The following CASP6 variants were observed in gnomAD, a reference collection of about 807,000 sequenced individuals.
CASP6 encodes caspase-6.
Under a neutral mutation model 31.8 loss-of-function variants are expected in CASP6, and 20 were observed. The observed-to-expected ratio is 0.63, with a 90% CI of 0.44 to 0.91. CASP6 has a LOEUF of 0.91. CASP6 is among the 40% of genes least tolerant of loss of function. The probability of loss-of-function intolerance (pLI) is 0.00; values close to 1 mark genes in which losing one functional copy is unlikely to be tolerated. For synonymous variants in CASP6, 130 were observed against 127.8 expected, an observed-to-expected ratio of 1.02 and a Z score of -0.12; for missense variants, 328 against 361.1, an observed-to-expected ratio of 0.91 and a Z score of 0.74.
At chr4:109,709,130 T>A in the CASP6 span, among the ~76,000 whole-genome samples, 1 of 152,270 alleles carries the variant, frequency 6.6e-6, no homozygotes, top group Non-Finnish European at 1.5e-5. Context: ...AGTACATTAG[T>A]TATTTTCAGC....
upstream of CASP6, chr4:109,703,689 TG>T (rs1730510532): frequency 4.1e-6 from 2 of 490,580 alleles, no homozygotes; most frequent in South Asian, 6.3e-5. Context: ...CCTGGGGACA[TG>T]CCAGTTGCCA....
chr4:109,680,671 G>A, the CASP6 span, among the ~76,000 whole-genome samples: 2 of 152,140 alleles, frequency 1.3e-5, no homozygotes, highest in South Asian at 4.1e-4. Flanking sequence ...ATGGAAGGGG[G>A]TAAAGACCAC....
chr4:109,697,636 G>C lies in CASP6; in HGVS notation c.216C>G (p.Asp72Glu), dbSNP rs142810685. Residue 72 changes from aspartate to glutamate, a missense_variant, in exon 3 of 7, where the codon GAC becomes GAG. Transcript: ENST00000265164. ...PERRGTCADR[D>E]NLTRRFSDLG... Reference sequence around the variant, plus strand: ...AAAACTACTACCTGCGGGTAAGATTGTCTCTATCTGCGCAGGTGCCCCGCC... The same window carrying C: ...AAAACTACTACCTGCGGGTAAGATTCTCTCTATCTGCGCAGGTGCCCCGCC... 3.1e-6 allele frequency: 5 copies of C among 1,608,996 alleles called. No homozygotes were observed. In the East Asian group the frequency reaches 1.1e-4, roughly 36 times the overall value.
upstream of CASP6, among the ~76,000 whole-genome samples, chr4:109,704,130 G>A (rs1490623861): frequency 6.6e-6 from 1 of 152,044 alleles, no homozygotes; most frequent in African/African-American, 2.4e-5. Context: ...CCTATTCCTG[G>A]AAACACAATT....
downstream of CASP6, among the ~76,000 whole-genome samples, chr4:109,687,046 GTAAACT>G (rs1268572528): frequency 6.6e-6 from 1 of 151,786 alleles, no homozygotes; most frequent in Non-Finnish European, 1.5e-5. Context: ...GGATGAATTA[GTAAACT>G]TAAACTCATC....
chr4:109,680,929 G>A, the CASP6 span, among the ~76,000 whole-genome samples: 7 of 152,176 alleles, frequency 4.6e-5, no homozygotes, highest in Non-Finnish European at 1.0e-4. Context: ...TCTCATAGCA[G>A]AGCCTAATTT....
chr4:109,702,326 CTTT>C (rs377758495), intron 1 of CASP6, among the ~76,000 whole-genome samples: 14 of 146,578 alleles, frequency 9.6e-5, no homozygotes, highest in South Asian at 2.2e-4. Context: ...GCGTTTCGTT[CTTT>C]TTTTTTTTTT....
chr4:109,702,065 C>T (rs759193918), intron 1 of CASP6, among the ~76,000 whole-genome samples: 3 of 152,222 alleles, frequency 2.0e-5, no homozygotes, highest in Non-Finnish European at 2.9e-5. Context: ...GAGTAACCTC[C>T]ATCAGGCCTA....
chr4:109,682,728 C>T, the CASP6 span: 2 of 1,613,358 alleles, frequency 1.2e-6, no homozygotes, highest in Non-Finnish European at 1.7e-6. Context: ...GGAACAGCTG[C>T]AGCCCCTTGA....
the CASP6 span, among the ~76,000 whole-genome samples, chr4:109,682,166 G>A: frequency 2.0e-5 from 3 of 152,214 alleles, no homozygotes; most frequent in African/African-American, 7.2e-5. Flanking sequence ...AGTTGGCCTA[G>A]GAAATCCAGC....
intron 3 of CASP6, 100 bp downstream of exon 3, chr4:109,697,522 T>A: frequency 7.3e-7 from 1 of 1,379,270 alleles, no homozygotes; most frequent in Non-Finnish European, 9.7e-7. Flanking sequence ...CCACCTTGGC[T>A]TCCCAAAGTG....
At chr4:109,706,174 C>CACATACAT (rs1554022993), upstream of CASP6, among the ~76,000 whole-genome samples, 2 of 91,910 alleles carry the variant, frequency 2.2e-5, no homozygotes, top group African/African-American at 1.1e-4. Context: ...TATATATACA[C>CACATACAT]ACACACATAT....
At chr4:109,696,969 GGA>G (rs1730264495) in intron 3 of CASP6, among the ~76,000 whole-genome samples, 1 of 151,638 alleles carries the variant, frequency 6.6e-6, no homozygotes, top group South Asian at 2.1e-4. Flanking sequence ...GTATTTTTTA[GGA>G]GAGACAGGGT....
the CASP6 span, among the ~76,000 whole-genome samples, chr4:109,680,559 T>C: frequency 1.3e-5 from 2 of 151,408 alleles, no homozygotes; most frequent in Non-Finnish European, 2.9e-5. Context: ...TATGTACCAA[T>C]ACATTTTTCA....
the CASP6 span, among the ~76,000 whole-genome samples, chr4:109,680,822 T>C: frequency 6.6e-6 from 1 of 152,146 alleles, no homozygotes; most frequent in Non-Finnish European, 1.5e-5. Context: ...GGTGGGAAGG[T>C]CCATCTTCCC....
At chr4:109,706,513 G>C (rs1226050752), upstream of CASP6, among the ~76,000 whole-genome samples, 3 of 152,124 alleles carry the variant, frequency 2.0e-5, no homozygotes, top group African/African-American at 7.2e-5. Flanking sequence ...AAAGGATTCA[G>C]GGTATTAGTT....
At chr4:109,693,041 G>A (rs996299196) in intron 5 of CASP6, among the ~76,000 whole-genome samples, 2 of 152,166 alleles carry the variant, frequency 1.3e-5, no homozygotes, top group African/African-American at 2.4e-5. Flanking sequence ...TCCTCTTGGT[G>A]TAAGTGAGCT....
chr4:109,672,077 A>AAT, the CASP6 span, among the ~76,000 whole-genome samples: 7 of 151,608 alleles, frequency 4.6e-5, no homozygotes, highest in African/African-American at 9.7e-5. Context: ...CTTATTATTA[A>AAT]ATATATATAT....
At chr4:109,685,491 A>G (rs187968766), downstream of CASP6, 1 of 512,736 alleles carries the variant, frequency 2.0e-6, no homozygotes, top group Non-Finnish European at 3.5e-6. Flanking sequence ...GTGTTGTGGG[A>G]TTGTTCATTG....
Sources: allele counts gnomAD v4.1 joint callset (sites outside exome capture counted in the v4.1 genomes callset), GRCh38; gene constraint gnomAD v4.1.1; transcripts MANE v1.5; gene names NCBI Gene and HGNC (gene_info 2026-07-23, HGNC 2026-07-21).